Variants in CNTNAP5 observed in about 807,000 individuals in gnomAD.
CNTNAP5 encodes contactin-associated protein-like 5.
Under a neutral mutation model 150.2 loss-of-function variants are expected in CNTNAP5, and 72 were observed. The ratio of observed to expected loss-of-function variants is 0.48; its 90% confidence interval spans 0.40 to 0.58. The LOEUF is 0.58. Ranked by LOEUF, CNTNAP5 falls within the 20% of genes least tolerant of loss-of-function variation. The pLI is 0.00. For missense variants in CNTNAP5, 1,636 were observed against 1,626.2 expected, an observed-to-expected ratio of 1.01 and a Z score of -0.10; for synonymous variants, 672 against 619.8, an observed-to-expected ratio of 1.08 and a Z score of -1.25.
At chr2:124,727,051 T>G (rs367595035) in intron 13 of CNTNAP5, among the ~76,000 whole-genome samples, 3 of 152,250 alleles carry the variant, frequency 2.0e-5, no homozygotes, top group East Asian at 1.9e-4. Context: ...TTTTTCTGCA[T>G]GTGGATACAC....
intron 13 of CNTNAP5, among the ~76,000 whole-genome samples, chr2:124,733,167 G>A (rs187265169): frequency 6.6e-6 from 1 of 151,960 alleles, no homozygotes; most frequent in Non-Finnish European, 1.5e-5. Context: ...CACACACATA[G>A]CACAGTAGGT....
At chr2:124,784,864 G>A (rs1182496214) in intron 17 of CNTNAP5, among the ~76,000 whole-genome samples, 1 of 152,096 alleles carries the variant, frequency 6.6e-6, no homozygotes, top group Admixed American at 6.6e-5. Flanking sequence ...CAATGTGGAT[G>A]TTAAATTTTC....
At chr2:124,507,336 T>TA in intron 8 of CNTNAP5, among the ~76,000 whole-genome samples, 1 of 151,992 alleles carries the variant, frequency 6.6e-6, no homozygotes, top group Non-Finnish European at 1.5e-5. Flanking sequence ...TGCATGCCTG[T>TA]AGTACCAGCT....
At chr2:124,626,806 A>G (rs1215735875) in intron 12 of CNTNAP5, among the ~76,000 whole-genome samples, 2 of 152,090 alleles carry the variant, frequency 1.3e-5, no homozygotes, top group African/African-American at 4.8e-5. Flanking sequence ...AAGAACCACT[A>G]GCTTGAAATC....
chr2:124,417,600 C>T lies in CNTNAP5; in HGVS notation c.529+10C>T. 2 of 1,610,116 alleles carry T rather than the reference C, an allele frequency of 1.2e-6. No individual in the cohort carries two copies. ...TACGGATGTTCCTATAGTAAGTACT[C>T]ACATGTACCCTTTACCATTGCTGAG... is the stretch of plus-strand genomic sequence containing the variant. On this transcript the variant is annotated intron_variant, in intron 4 of 23. Transcript: ENST00000682447.
chr2:124,808,479 T>C (rs1682129287), intron 19 of CNTNAP5, among the ~76,000 whole-genome samples: 1 of 151,152 alleles, frequency 6.6e-6, no homozygotes, highest in Admixed American at 6.6e-5. Flanking sequence ...TCCCAGCTAC[T>C]CAGAAGGCTG....
chr2:124,160,356 C>T (rs554908866), intron 1 of CNTNAP5, among the ~76,000 whole-genome samples: 1 of 152,140 alleles, frequency 6.6e-6, no homozygotes, highest in East Asian at 1.9e-4. Context: ...GACTAATATT[C>T]CCATCATGGA....
chr2:124,188,710 C>A, intron 1 of CNTNAP5, among the ~76,000 whole-genome samples: 1 of 68,936 alleles, frequency 1.5e-5, no homozygotes, highest in African/African-American at 5.8e-5. Context: ...CAGCGAGACT[C>A]TGTCTCAAAA....
At chr2:124,633,045 C>T (rs1677897298) in intron 12 of CNTNAP5, among the ~76,000 whole-genome samples, 1 of 152,212 alleles carries the variant, frequency 6.6e-6, no homozygotes, top group South Asian at 2.1e-4. Flanking sequence ...ACCCCACTTC[C>T]AACATTGGGG....
At position 124,654,978 on chromosome 2, in the gene CNTNAP5, G is replaced by GTTA. The variant is rs1002106723; in HGVS notation, c.2077+7034_2077+7036dup. On this transcript the variant is annotated intron_variant, in intron 13 of 23. Coordinates refer to ENST00000682447, the MANE Select transcript of CNTNAP5 (RefSeq NM_001367498.1). ...CTATCATCTTTTTATTATTATTATTGTTATTATTATTATTATACTTTAGGT... is the reference window on the plus strand; with the variant it reads ...CTATCATCTTTTTATTATTATTATTGTTATTATTATTATTATTATACTTTAGGT... Among the ~76,000 whole-genome samples the GTTA allele has an allele frequency of 5.5e-4, 83 of 149,612 alleles. 1 individual carries two copies. Among genetic ancestry groups the GTTA allele is most frequent in the African/African-American group, 1.9e-3 (78 of 40,714 alleles).
intron 11 of CNTNAP5, among the ~76,000 whole-genome samples, 199 bp from the exon 12 acceptor site, chr2:124,609,602 A>G (rs981336166): frequency 1.3e-5 from 2 of 152,006 alleles, no homozygotes; most frequent in African/African-American, 4.8e-5. Context: ...AGAGAGAGAG[A>G]GATGAATGGA....
At chr2:124,717,089 TCAGGAGCAC>T (rs1349950601) in intron 13 of CNTNAP5, among the ~76,000 whole-genome samples, 3 of 152,204 alleles carry the variant, frequency 2.0e-5, no homozygotes, top group Non-Finnish European at 2.9e-5. Flanking sequence ...ATTATTTTAA[TCAGGAGCAC>T]CATCTTTTTT....
At chr2:124,413,391 A>G (rs1691829376) in intron 3 of CNTNAP5, among the ~76,000 whole-genome samples, 1 of 146,984 alleles carries the variant, frequency 6.8e-6, no homozygotes, top group Admixed American at 6.8e-5. Context: ...GTATATACCC[A>G]AAGGACTATA....
At chr2:124,306,196 A>G (rs919305622) in intron 3 of CNTNAP5, among the ~76,000 whole-genome samples, 1 of 152,162 alleles carries the variant, frequency 6.6e-6, no homozygotes, top group African/African-American at 2.4e-5. Flanking sequence ...CTCTGGATAC[A>G]GGAATCAAAT....
At chr2:124,201,982 C>T (rs533006672) in intron 1 of CNTNAP5, among the ~76,000 whole-genome samples, 397 of 152,020 alleles carry the variant, frequency 2.6e-3, no homozygotes, top group African/African-American at 9.0e-3. Context: ...ACAGTGTTTG[C>T]GTAATCAAAA....
chr2:124,587,030 T>C (rs905867637), intron 11 of CNTNAP5, among the ~76,000 whole-genome samples: 3 of 152,142 alleles, frequency 2.0e-5, no homozygotes, highest in African/African-American at 2.4e-5. Flanking sequence ...GAGCCTCCTT[T>C]TACTTCCCTG....
chr2:124,822,816 C>G (rs1161410794), intron 19 of CNTNAP5, among the ~76,000 whole-genome samples: 1 of 151,996 alleles, frequency 6.6e-6, no homozygotes. Flanking sequence ...GTCTTGCTAG[C>G]TGAGAAAAAT....
chr2:124,026,299 T>A (rs1165050531), intron 1 of CNTNAP5, among the ~76,000 whole-genome samples: 3 of 152,320 alleles, frequency 2.0e-5, no homozygotes, highest in Admixed American at 6.5e-5. Flanking sequence ...GGACCAATGT[T>A]GTTAACCACA....
At chr2:124,064,616 T>C (rs1323077199) in intron 1 of CNTNAP5, among the ~76,000 whole-genome samples, 4 of 152,176 alleles carry the variant, frequency 2.6e-5, no homozygotes, top group African/African-American at 9.7e-5. Context: ...AGAGCATCTT[T>C]AATGGTAGCT....
Sources: allele counts gnomAD v4.1 joint callset (sites outside exome capture counted in the v4.1 genomes callset), GRCh38; gene constraint gnomAD v4.1.1; transcripts MANE v1.5; gene names NCBI Gene and HGNC (gene_info 2026-07-23, HGNC 2026-07-21).